The following CSRNP3 variants were observed in gnomAD, a reference collection of about 807,000 sequenced individuals.
The protein encoded by CSRNP3 is cysteine/serine-rich nuclear protein 3.
A neutral mutation model predicts 48.0 loss-of-function variants in CSRNP3; 12 were observed. The ratio of observed to expected loss-of-function variants is 0.25; its 90% confidence interval spans 0.16 to 0.41. The LOEUF (loss-of-function observed/expected upper bound fraction) is 0.41, where lower values mean the gene tolerates loss of function less well. Among genes scored for constraint, CSRNP3 ranks in the 10% least tolerant of loss-of-function variants. The pLI is 1.00. For synonymous variants in CSRNP3, 263 were observed against 269.7 expected (o/e 0.98, Z 0.24); for missense variants, 580 against 724.4 (o/e 0.80, Z 2.29).
At chr2:165,501,751 T>C (rs1877870) in intron 2 of CSRNP3, among the ~76,000 whole-genome samples, 40,041 of 152,012 alleles carry the variant, frequency 0.26, 5,460 homozygotes, top group East Asian at 0.38. Context: ...GTGAGTCAAC[T>C]GAAATAGGCC....
chr2:165,585,265 T>A (rs1269436128), intron 3 of CSRNP3, among the ~76,000 whole-genome samples: 1 of 151,816 alleles, frequency 6.6e-6, no homozygotes, highest in East Asian at 1.9e-4. Flanking sequence ...TAATAAAACC[T>A]ATATACCATC....
intron 2 of CSRNP3, among the ~76,000 whole-genome samples, chr2:165,503,090 GT>G (rs943731461): frequency 1.2e-4 from 18 of 151,776 alleles, no homozygotes; most frequent in African/African-American, 3.9e-4. Context: ...CTAACTCTAT[GT>G]TTGCTAGTGA....
intron 3 of CSRNP3, among the ~76,000 whole-genome samples, chr2:165,541,562 G>A (rs1450278637): frequency 6.6e-6 from 1 of 152,080 alleles, no homozygotes; most frequent in East Asian, 1.9e-4. Flanking sequence ...CCACTTTAGA[G>A]CCCTGAGGGA....
chr2:165,508,305 T>A (rs1164246360), intron 2 of CSRNP3, among the ~76,000 whole-genome samples: 2 of 152,142 alleles, frequency 1.3e-5, no homozygotes, highest in African/African-American at 4.8e-5. Flanking sequence ...TAAAAGTTGA[T>A]GTTTCTTTGA....
intron 5 of CSRNP3, among the ~76,000 whole-genome samples, chr2:165,663,228 T>C (rs1263766205): frequency 6.6e-6 from 1 of 152,248 alleles, no homozygotes; most frequent in Non-Finnish European, 1.5e-5. Flanking sequence ...TCAACATTTT[T>C]GGATGTGTTA....
At chr2:165,477,450 C>G (rs936017476) in intron 1 of CSRNP3, among the ~76,000 whole-genome samples, 3 of 135,296 alleles carry the variant, frequency 2.2e-5, no homozygotes, top group Middle Eastern at 4.2e-3. Flanking sequence ...GAAATCTCGT[C>G]CCTACTAAAA....
intron 5 of CSRNP3, among the ~76,000 whole-genome samples, chr2:165,672,142 A>G (rs1338410595): frequency 6.6e-6 from 1 of 151,956 alleles, no homozygotes; most frequent in Non-Finnish European, 1.5e-5. Flanking sequence ...ACTTTCCCAC[A>G]TTTTTTTCTC....
chr2:165,541,789 G>A (rs1440991073), intron 3 of CSRNP3, among the ~76,000 whole-genome samples: 1 of 152,060 alleles, frequency 6.6e-6, no homozygotes, highest in Non-Finnish European at 1.5e-5. Flanking sequence ...ACTTAATGAA[G>A]GCACAAGCCT....
At position 165,681,789 on chromosome 2, in the gene CSRNP3, A is replaced by G. The variant is rs1687549555; in HGVS notation, c.*2036A>G. 1 of 137,450 alleles carries G rather than the reference A, an allele frequency of 7.3e-6. No homozygotes were observed. The highest frequency in any genetic ancestry group is 1.5e-5 in the Non-Finnish European group (1 of 64,674). 8.5% of individuals were successfully genotyped at this position (137,450 alleles called of 1,614,324 possible). A position where few individuals can be genotyped will look rare whatever the true frequency, so the allele number is the denominator to read the frequency against. On this transcript the variant is annotated 3_prime_UTR_variant, in exon 7 of 7. Transcript: ENST00000651982. ...CACACACACACACATACACATATAT[A>G]TACACATATATGTATGTGTGTGTGT...
At chr2:165,539,973 GA>G (rs992206846) in intron 3 of CSRNP3, among the ~76,000 whole-genome samples, 2 of 152,010 alleles carry the variant, frequency 1.3e-5, no homozygotes, top group African/African-American at 4.8e-5. Flanking sequence ...GAAAACATCA[GA>G]ATTGCTGTTA....
At chr2:165,621,687 C>G (rs1686342674) in intron 4 of CSRNP3, among the ~76,000 whole-genome samples, 1 of 152,062 alleles carries the variant, frequency 6.6e-6, no homozygotes, top group African/African-American at 2.4e-5. Context: ...TTATCCCTTT[C>G]TATTTGTTGT....
At chr2:165,582,481 A>G (rs1297190698) in intron 3 of CSRNP3, among the ~76,000 whole-genome samples, 2 of 152,208 alleles carry the variant, frequency 1.3e-5, no homozygotes, top group Non-Finnish European at 2.9e-5. Context: ...ACGACAGTGA[A>G]GAAATCCCCT....
At chr2:165,656,474 T>G (rs13026773) in intron 4 of CSRNP3, among the ~76,000 whole-genome samples, 13,855 of 152,198 alleles carry the variant, frequency 0.091, 807 homozygotes, top group African/African-American at 0.15. Flanking sequence ...TGATTGAGCA[T>G]TTTCACAGCA....
rs534568963 is a variant in CSRNP3, at chr2:165,672,244, C to T, written c.409-4068C>T. Among the ~76,000 whole-genome samples the T allele has an allele frequency of 1.6e-4, 25 of 152,280 alleles. No homozygotes were observed. In the South Asian group the frequency reaches 4.6e-3, roughly 28 times the overall value. On this transcript the variant is annotated intron_variant, in intron 5 of 6. Coordinates refer to ENST00000651982, the MANE Select transcript of CSRNP3 (RefSeq NM_001172173.2). ...TTTCAGGTATCTTTACATCATCACC[C>T]TACTCCTGGTACCAGTTTACTGTAT...
At chr2:165,478,460 G>C (rs1393937300) in intron 1 of CSRNP3, among the ~76,000 whole-genome samples, 1 of 152,110 alleles carries the variant, frequency 6.6e-6, no homozygotes, top group African/African-American at 2.4e-5. Context: ...AATATTTGCT[G>C]TCCAAAGAGG....
intron 3 of CSRNP3, among the ~76,000 whole-genome samples, chr2:165,520,773 TATATATATATTATATATATA>T (rs1684642740): frequency 4.6e-4 from 27 of 58,484 alleles, no homozygotes; most frequent in East Asian, 1.5e-3. Flanking sequence ...AAATATATTA[TATATATATATTATATATATA>T]TATATATATA....
chr2:165,593,779 AATAAATTAAGTGGAAT>A (rs1327796265), intron 3 of CSRNP3, among the ~76,000 whole-genome samples: 1 of 152,216 alleles, frequency 6.6e-6, no homozygotes, highest in Non-Finnish European at 1.5e-5. Context: ...AATCAACTGA[AATAAATTAAGTGGAAT>A]ATAAAATGCA....
intron 3 of CSRNP3, chr2:165,574,184 T>C: frequency 5.9e-6 from 3 of 505,254 alleles, no homozygotes; most frequent in East Asian, 3.2e-5. Context: ...CCGTTTCAGC[T>C]GCTGGAGGAC....
chr2:165,563,656 G>A (rs1174781852), intron 3 of CSRNP3, among the ~76,000 whole-genome samples: 1 of 152,048 alleles, frequency 6.6e-6, no homozygotes, highest in Admixed American at 6.6e-5. Flanking sequence ...GGTCTCTCTG[G>A]GATAGCAAGA....
Sources: gnomAD v4.1 joint callset for allele counts (sites outside exome capture counted in the v4.1 genomes callset) on GRCh38, gnomAD v4.1.1 for gene constraint, MANE v1.5 for transcripts, NCBI Gene and HGNC (gene_info 2026-07-23, HGNC 2026-07-21) for gene names.